The following HSD17B3 variants were observed in gnomAD, a reference collection of about 807,000 sequenced individuals.
HSD17B3 encodes the protein 17-beta-hydroxysteroid dehydrogenase type 3.
In HSD17B3, 29 loss-of-function variants were observed where a neutral mutation model predicts 41.1. The ratio of observed to expected loss-of-function variants is 0.71; its 90% CI spans 0.53 to 0.96. The LOEUF is 0.96. Among genes scored for constraint, HSD17B3 ranks in the 40% least tolerant of loss-of-function variants. The pLI, the probability that HSD17B3 is intolerant of heterozygous loss-of-function variation, is 0.00. For synonymous variants in HSD17B3, 126 were observed against 145.6 expected (o/e 0.87, Z 0.97); for missense variants, 323 against 374.6 (o/e 0.86, Z 1.14).
At chr9:96,252,311 G>A (rs1164248362) in intron 4 of HSD17B3, among the ~76,000 whole-genome samples, 3 of 152,064 alleles carry the variant, frequency 2.0e-5, no homozygotes, top group Admixed American at 6.6e-5. Context: ...TTGGGAGGCC[G>A]AGGCAGGTGG....
chr9:96,278,820 T>C (rs1224687442), intron 2 of HSD17B3, among the ~76,000 whole-genome samples: 1 of 152,170 alleles, frequency 6.6e-6, no homozygotes, highest in East Asian at 1.9e-4. Context: ...AGCCAGCAGA[T>C]GGTGCCTTAC....
chr9:96,279,218 G>A (rs1181743017), intron 2 of HSD17B3, among the ~76,000 whole-genome samples: 1 of 152,216 alleles, frequency 6.6e-6, no homozygotes, highest in Non-Finnish European at 1.5e-5. Context: ...AGCCTCAGGA[G>A]GTCCTGCGAA....
rs888002761 is a variant in HSD17B3, at chr9:96,235,385, G to T, written c.*75C>A. The T allele has an allele frequency of 4.0e-6, 4 of 999,658 alleles. No homozygotes were observed. Among genetic ancestry groups the T allele is most frequent in the Non-Finnish European group, 6.3e-6 (4 of 639,294 alleles). The allele number at this position is 999,658 out of a possible 1,614,324, so 61.9% of individuals were successfully genotyped here. On this transcript the variant is annotated 3_prime_UTR_variant, in exon 11 of 11. Transcript: ENST00000375263. ...TTCAGCGGACTAGGTTGAAGTGCTG[G>T]TCTGCTCCTCTGGTCCTCTTCAGCC...
At chr9:96,240,978 C>G (rs1024216536) in intron 9 of HSD17B3, 71 bp from the exon 10 acceptor site, 1 of 1,577,534 alleles carries the variant, frequency 6.3e-7, no homozygotes, top group Non-Finnish European at 8.7e-7. Flanking sequence ...AATTAACACT[C>G]AAGCCCCCAT....
intron 2 of HSD17B3, among the ~76,000 whole-genome samples, chr9:96,281,490 G>A (rs1826689701): frequency 6.6e-6 from 1 of 152,140 alleles, no homozygotes; most frequent in Non-Finnish European, 1.5e-5. Flanking sequence ...TTGGGTTAGA[G>A]TCCTAACTTA....
At chr9:96,246,530 C>T (rs369983966) in intron 7 of HSD17B3, 26 bp downstream of exon 7, 2 of 1,612,514 alleles carry the variant, frequency 1.2e-6, no homozygotes, top group African/African-American at 1.3e-5. Context: ...CCATGTTGCT[C>T]CACACTTTTT....
At chr9:96,272,446 T>TATATATATATATATAA (rs34436322) in intron 2 of HSD17B3, among the ~76,000 whole-genome samples, 6 of 85,826 alleles carry the variant, frequency 7.0e-5, no homozygotes, top group East Asian at 4.7e-4. Context: ...TATATATATA[T>TATATATATATATATAA]AAAATATATA....
At chr9:96,246,724 C>G in intron 6 of HSD17B3, 134 bp from the exon 7 acceptor site, 2 of 802,810 alleles carry the variant, frequency 2.5e-6, no homozygotes, top group Admixed American at 4.0e-5. Flanking sequence ...TTGAAAATTG[C>G]TGGCACTCAT....
At chr9:96,297,652 T>A (rs1211611018) in intron 2 of HSD17B3, among the ~76,000 whole-genome samples, 1 of 152,144 alleles carries the variant, frequency 6.6e-6, no homozygotes, top group Non-Finnish European at 1.5e-5. Context: ...CAGCTGGTGT[T>A]ATTGATTTTT....
At position 96,241,967 on chromosome 9, in the gene HSD17B3, AAG is replaced by A. The variant is rs1564023342; in HGVS notation, c.673-1062_673-1061del. ...AAAAAAAGAAAAGAACAGAAAAAGA[AAG>A]AAAGAAAGAAAGAAAGAAAGAAAGA... On this transcript the variant is annotated intron_variant, in intron 9 of 10. Transcript: ENST00000375263. 1.8e-3 allele frequency among the ~76,000 whole-genome samples: 260 copies of A among 145,508 alleles called. 3 individuals carry two copies. Among genetic ancestry groups the A allele is most frequent in the East Asian group, 9.9e-3 (50 of 5,064 alleles).
intron 2 of HSD17B3, among the ~76,000 whole-genome samples, chr9:96,293,651 CTGTG>C (rs921042434): frequency 6.7e-5 from 10 of 150,068 alleles, no homozygotes; most frequent in South Asian, 4.2e-4. Context: ...GTCTGTGTGT[CTGTG>C]TGTGTATGTG....
intron 6 of HSD17B3, among the ~76,000 whole-genome samples, chr9:96,247,640 G>C (rs113190939): frequency 6.6e-6 from 1 of 152,200 alleles, no homozygotes; most frequent in Non-Finnish European, 1.5e-5. Context: ...GTGTCAGACC[G>C]CTTTCCGTGA....
At chr9:96,272,405 CTATATATA>C (rs1199705437) in intron 2 of HSD17B3, among the ~76,000 whole-genome samples, 448 of 21,494 alleles carry the variant, frequency 0.021, 37 homozygotes, top group African/African-American at 0.067. Context: ...CTCTCTCTCT[CTATATATA>C]TATATATATA....
At chr9:96,249,830 G>A in intron 5 of HSD17B3, 44 bp from the exon 6 acceptor site, 1 of 1,613,730 alleles carries the variant, frequency 6.2e-7, no homozygotes, top group Non-Finnish European at 8.5e-7. Context: ...GATGATTAGA[G>A]AAATTCTCCT....
chr9:96,295,081 A>G (rs144932887), intron 2 of HSD17B3, among the ~76,000 whole-genome samples: 2,565 of 131,100 alleles, frequency 0.02, 82 homozygotes, highest in African/African-American at 0.068. Flanking sequence ...ATCTCGGCCC[A>G]CTGCAACCTT....
chr9:96,281,957 A>T (rs907193540), intron 2 of HSD17B3, among the ~76,000 whole-genome samples: 1 of 152,200 alleles, frequency 6.6e-6, no homozygotes, highest in Non-Finnish European at 1.5e-5. Flanking sequence ...GTTTTGATTA[A>T]TGGGAAAAAG....
intron 2 of HSD17B3, among the ~76,000 whole-genome samples, chr9:96,266,200 T>C (rs2130752720): frequency 6.6e-6 from 1 of 152,330 alleles, no homozygotes; most frequent in African/African-American, 2.4e-5. Flanking sequence ...CCATAGGAAA[T>C]TTCTCCTTTT....
intron 1 of HSD17B3, among the ~76,000 whole-genome samples, chr9:96,299,576 A>G (rs1390056275): frequency 1.3e-5 from 2 of 152,196 alleles, no homozygotes; most frequent in East Asian, 3.8e-4. Context: ...AGTGTTTTAG[A>G]TGCATCATCT....
At chr9:96,270,314 C>T (rs1826195789) in intron 2 of HSD17B3, among the ~76,000 whole-genome samples, 1 of 151,242 alleles carries the variant, frequency 6.6e-6, no homozygotes, top group East Asian at 1.9e-4. Context: ...AGAAAGAGTG[C>T]CATGGCATGC....
Sources: allele counts gnomAD v4.1 joint callset (sites outside exome capture counted in the v4.1 genomes callset), GRCh38; gene constraint gnomAD v4.1.1; transcripts MANE v1.5; gene names NCBI Gene and HGNC (gene_info 2026-07-23, HGNC 2026-07-21).